The following LAPTM4B variants were observed in gnomAD, a reference collection of about 807,000 sequenced individuals.
LAPTM4B encodes lysosomal protein transmembrane 4 beta.
A neutral mutation model predicts 28.5 loss-of-function variants in LAPTM4B; 26 were observed. That is an observed-to-expected ratio of 0.91 (90% CI 0.67 to 1.27). The LOEUF (loss-of-function observed/expected upper bound fraction) is 1.27, where lower values mean the gene tolerates loss of function less well. LAPTM4B is among the 50% of genes most tolerant of loss of function. The probability of loss-of-function intolerance (pLI) is 0.00; values close to 1 mark genes in which losing one functional copy is unlikely to be tolerated. For synonymous variants in LAPTM4B, 109 were observed against 106.4 expected, an observed-to-expected ratio of 1.02 and a Z score of -0.15; for missense variants, 288 against 285.8, an observed-to-expected ratio of 1.01 and a Z score of -0.06.
chr8:97,851,394 C>T lies in LAPTM4B; in HGVS notation c.604-3C>T. 2 of 1,540,618 alleles carry T rather than the reference C, an allele frequency of 1.3e-6. No homozygotes were observed. Among genetic ancestry groups the T allele is most frequent in the Non-Finnish European group, 1.8e-6 (2 of 1,114,746 alleles). The stretch of plus-strand genomic sequence containing the variant: ...AACTCTTGCCGTCCCTCTTTCTTCT[C>T]AGGTGCTGCTACCCCCGTATGATGA... On this transcript the variant is annotated splice_region_variant and splice_polypyrimidine_tract_variant and intron_variant, in intron 6 of 6. Coordinates refer to ENST00000521545, the MANE Select transcript of LAPTM4B (RefSeq NM_018407.6).
At chr8:97,817,759 A>ATT (rs71271159) in intron 4 of LAPTM4B, among the ~76,000 whole-genome samples, 16,582 of 148,686 alleles carry the variant, frequency 0.11, 1,095 homozygotes, top group Non-Finnish European at 0.15. Flanking sequence ...TAATTTTTGT[A>ATT]TTTTTTTTTT....
chr8:97,847,231 C>T (rs1239064735), intron 6 of LAPTM4B, among the ~76,000 whole-genome samples: 1 of 152,194 alleles, frequency 6.6e-6, no homozygotes, highest in African/African-American at 2.4e-5. Flanking sequence ...TAGCTGAACT[C>T]ATGTTAAAAC....
chr8:97,818,774 C>T (rs966017992), intron 4 of LAPTM4B, among the ~76,000 whole-genome samples: 1 of 151,722 alleles, frequency 6.6e-6, no homozygotes, highest in South Asian at 2.1e-4. Flanking sequence ...TGATCTCGCT[C>T]ACTGCAACCT....
At chr8:97,812,796 C>T (rs1428055953) in intron 2 of LAPTM4B, among the ~76,000 whole-genome samples, 1 of 152,138 alleles carries the variant, frequency 6.6e-6, no homozygotes, top group Non-Finnish European at 1.5e-5. Flanking sequence ...CTCATTCCCT[C>T]ACCAGAGGGC....
At chr8:97,834,156 A>AAAAAAAAAAAAAAAAAAAAAAAAAAAT in intron 6 of LAPTM4B, among the ~76,000 whole-genome samples, 5 of 150,114 alleles carry the variant, frequency 3.3e-5, no homozygotes, top group African/African-American at 1.2e-4. Flanking sequence ...AAAAAAAAAA[A>AAAAAAAAAAAAAAAAAAAAAAAAAAAT]AATCCAGGTG....
intron 4 of LAPTM4B, 127 bp downstream of exon 4, chr8:97,816,307 A>G: frequency 2.2e-6 from 2 of 889,088 alleles, no homozygotes; most frequent in South Asian, 1.9e-5. Context: ...AGTTACTCAT[A>G]GGAAATTTCT....
At chr8:97,799,373 TAG>T (rs1816637425) in intron 1 of LAPTM4B, among the ~76,000 whole-genome samples, 1 of 152,178 alleles carries the variant, frequency 6.6e-6, no homozygotes, top group East Asian at 1.9e-4. Flanking sequence ...CTTGGCTTTT[TAG>T]AGAGAAATGG....
intron 5 of LAPTM4B, among the ~76,000 whole-genome samples, chr8:97,824,286 A>T (rs1204349431): frequency 5.3e-5 from 8 of 152,164 alleles, no homozygotes; most frequent in African/African-American, 1.9e-4. Flanking sequence ...GGCTGCAACC[A>T]TTTTACATTC....
At chr8:97,835,658 G>A (rs1472042416) in intron 6 of LAPTM4B, among the ~76,000 whole-genome samples, 1 of 152,174 alleles carries the variant, frequency 6.6e-6, no homozygotes, top group Non-Finnish European at 1.5e-5. Context: ...ATATAACAAG[G>A]TGTCCTTTTT....
At chr8:97,781,311 C>CTTTT (rs1816309430) in intron 1 of LAPTM4B, among the ~76,000 whole-genome samples, 1 of 52,178 alleles carries the variant, frequency 1.9e-5, no homozygotes, top group African/African-American at 9.3e-5. Context: ...AGGAGTTTTG[C>CTTTT]TCTTATTGCT....
chr8:97,799,574 T>A lies in LAPTM4B; in HGVS notation c.100-5779T>A, dbSNP rs150174419. Among the ~76,000 whole-genome samples, 6 of 152,322 alleles carry A rather than the reference T, an allele frequency of 3.9e-5. No homozygotes were observed. In the East Asian group the frequency reaches 1.2e-3, roughly 29 times the overall value. ...GTAGTCTAGTATGTTGAGGCCCTATTGTGCAGGAGCTCAATCTGCAACAAT... is the reference window on the plus strand; with the variant it reads ...GTAGTCTAGTATGTTGAGGCCCTATAGTGCAGGAGCTCAATCTGCAACAAT... On this transcript the variant is annotated intron_variant, in intron 1 of 6. Coordinates refer to ENST00000521545, the MANE Select transcript of LAPTM4B (RefSeq NM_018407.6).
In LAPTM4B at chr8:97,828,198, AATTTTGGGGGTGGT is replaced by A. The variant is rs567703954; in HGVS notation, c.603+3048_603+3061del. 6.9e-4 allele frequency among the ~76,000 whole-genome samples: 105 copies of A among 152,150 alleles called. 1 individual carries two copies. The South Asian group carries it at 0.021, about 31-fold the overall frequency. ...AAGTATGGAGAAAATTTATGGTGTA[AATTTTGGGGGTGGT>A]ATGGAGGGATGATGGGAGATTTTTC... On this transcript the variant is annotated intron_variant, in intron 6 of 6. Transcript: ENST00000521545.
intron 6 of LAPTM4B, among the ~76,000 whole-genome samples, chr8:97,843,429 A>C (rs1044570367): frequency 1.3e-5 from 2 of 152,292 alleles, no homozygotes; most frequent in South Asian, 2.1e-4. Flanking sequence ...AAACAAAACA[A>C]CACAACAACA....
intron 5 of LAPTM4B, among the ~76,000 whole-genome samples, chr8:97,822,301 TTGTG>T (rs1817016282): frequency 6.6e-6 from 1 of 151,974 alleles, no homozygotes; most frequent in Non-Finnish European, 1.5e-5. Context: ...GACTTAAAAT[TTGTG>T]TGTGTGAGTA....
intron 5 of LAPTM4B, among the ~76,000 whole-genome samples, chr8:97,824,014 T>C (rs562360847): frequency 6.6e-6 from 1 of 152,270 alleles, no homozygotes; most frequent in East Asian, 1.9e-4. Flanking sequence ...CCCATTATTT[T>C]TATTGTTGTT....
At chr8:97,819,495 A>G (rs1392780339) in intron 5 of LAPTM4B, among the ~76,000 whole-genome samples, 2 of 152,166 alleles carry the variant, frequency 1.3e-5, no homozygotes, top group South Asian at 2.1e-4. Flanking sequence ...ATAGTATATG[A>G]TATTGCAACG....
intron 1 of LAPTM4B, among the ~76,000 whole-genome samples, chr8:97,802,137 T>C (rs2129764087): frequency 6.6e-6 from 1 of 152,308 alleles, no homozygotes; most frequent in East Asian, 1.9e-4. Context: ...TTCTTGGACC[T>C]CGTGCAAGAA....
At chr8:97,819,627 A>T (rs62524115) in intron 5 of LAPTM4B, among the ~76,000 whole-genome samples, 19,210 of 79,648 alleles carry the variant, frequency 0.24, 2,070 homozygotes, top group East Asian at 0.49. Context: ...AAATTACTTG[A>T]TGAGCATTGA....
intron 1 of LAPTM4B, among the ~76,000 whole-genome samples, chr8:97,779,899 A>G (rs1035127865): frequency 6.6e-6 from 1 of 151,764 alleles, no homozygotes; most frequent in Non-Finnish European, 1.5e-5. Flanking sequence ...TAAAACTACA[A>G]AATTAGTCGG....
Sources: gnomAD v4.1 joint callset for allele counts (sites outside exome capture counted in the v4.1 genomes callset) on GRCh38, gnomAD v4.1.1 for gene constraint, MANE v1.5 for transcripts, NCBI Gene and HGNC (gene_info 2026-07-23, HGNC 2026-07-21) for gene names.